Variants in SNRNP48 observed in about 807,000 individuals in gnomAD.
SNRNP48 encodes the protein U11/U12 small nuclear ribonucleoprotein 48 kDa protein.
SNRNP48 carries 43 observed loss-of-function variants against 47.0 expected under a neutral mutation model. The ratio of observed to expected loss-of-function variants is 0.92; its 90% CI spans 0.72 to 1.18. The LOEUF is 1.18. Among genes scored for constraint, SNRNP48 ranks in the 50% most tolerant of loss-of-function variants. The pLI, the probability that SNRNP48 is intolerant of heterozygous loss-of-function variation, is 0.00. For synonymous variants in SNRNP48, 138 were observed against 144.0 expected, an observed-to-expected ratio of 0.96 and a Z score of 0.30; for missense variants, 396 against 422.2, an observed-to-expected ratio of 0.94 and a Z score of 0.54.
Position 7,590,207 on chromosome 6 carries a change from C to A in SNRNP48, c.-51C>A. 1 of 1,265,272 alleles carries A rather than the reference C, an allele frequency of 7.9e-7. No homozygotes were observed. The highest frequency in any genetic ancestry group is 1.0e-6 in the Non-Finnish European group (1 of 997,684). 78.4% of individuals were successfully genotyped at this position (1,265,272 alleles called of 1,614,324 possible). A position where few individuals can be genotyped will look rare whatever the true frequency, so the allele number is the denominator to read the frequency against. ...CCCGCCCACAGCTCCCAGAGGCCTG[C>A]GCGTGCGGTCTGCAGTTCGGCCGCT... On this transcript the variant is annotated 5_prime_UTR_variant, in exon 1 of 9. Coordinates refer to ENST00000342415, the MANE Select transcript of SNRNP48 (RefSeq NM_152551.4).
Position 7,594,164 on chromosome 6 carries a change from G to A in SNRNP48, c.331+5G>A. ...AGATACCTTCGATTACTTTGAGTAA[G>A]TATTAAGTTATTATAATTTAAAAAT... On this transcript the variant is annotated splice_donor_5th_base_variant and intron_variant, in intron 3 of 8. Coordinates refer to ENST00000342415, the MANE Select transcript of SNRNP48 (RefSeq NM_152551.4). 7.9e-7 allele frequency: 1 copy of A among 1,269,740 alleles called. No individual in the cohort carries two copies. The highest frequency in any genetic ancestry group is 1.1e-6 in the Non-Finnish European group (1 of 926,644). 78.7% of individuals were successfully genotyped at this position (1,269,740 alleles called of 1,614,324 possible). A position where few individuals can be genotyped will look rare whatever the true frequency, so the allele number is the denominator to read the frequency against.
chr6:7,590,334 G>A lies in SNRNP48; in HGVS notation c.77G>A (p.Cys26Tyr). The change falls in exon 1 of 9, where the codon TGC (cysteine) becomes TAC (tyrosine). Residue 26 changes from cysteine (C) to tyrosine (Y), a missense_variant. Physicochemically the swap from Cys to Tyr is radical, Grantham distance 194 (BLOSUM62 -2). Transcript: ENST00000342415. The stretch of plus-strand genomic sequence containing the variant: ...CTGAACGAGTTCGTGGAGAGCGGCT[G>A]CCGGACGTTGGAGGAGGTGACCGCG... ...EELNEFVESG[C>Y]RTLEEVTASL... is the part of the protein sequence containing the mutation. The A allele has an allele frequency of 7.1e-7, 1 of 1,405,776 alleles. No individual in the cohort carries two copies. Among genetic ancestry groups the A allele is most frequent in the South Asian group, 1.8e-5 (1 of 57,052 alleles). The allele number at this position is 1,405,776 out of a possible 1,614,324, so 87.1% of individuals were successfully genotyped here.
In SNRNP48 at chr6:7,609,573, G is replaced by A. The variant is rs1223090548; in HGVS notation, c.*700G>A. 1 of 152,148 alleles carries A rather than the reference G, an allele frequency of 6.6e-6. No homozygotes were observed. The highest frequency in any genetic ancestry group is 2.4e-5 in the African/African-American group (1 of 41,446). The allele number at this position is 152,148 out of a possible 1,614,324, so 9.4% of individuals were successfully genotyped here. ...TAAATCTATTTTTAAAGGTTCAGAG[G>A]AATCCATACCAAAGTTCTAACAGCG... On this transcript the variant is annotated 3_prime_UTR_variant, in exon 9 of 9. Coordinates refer to ENST00000342415, the MANE Select transcript of SNRNP48 (RefSeq NM_152551.4).
At chr6:7,597,780 T>G (rs917094092) in intron 4 of SNRNP48, among the ~76,000 whole-genome samples, 2 of 152,108 alleles carry the variant, frequency 1.3e-5, no homozygotes, top group African/African-American at 4.8e-5. Context: ...TAAGAGGAAC[T>G]ATTATATTAT....
intron 3 of SNRNP48, 136 bp downstream of exon 3, chr6:7,594,295 A>C: frequency 4.5e-6 from 2 of 441,170 alleles, no homozygotes; most frequent in Non-Finnish European, 8.1e-6. Flanking sequence ...ATGTAGAATT[A>C]ATTAATGTAC....
At chr6:7,601,588 A>G in intron 5 of SNRNP48, 64 bp downstream of exon 5, 1 of 1,396,022 alleles carries the variant, frequency 7.2e-7, no homozygotes, top group East Asian at 2.6e-5. Flanking sequence ...AGTGTTATTA[A>G]GATGATTTAA....
intron 4 of SNRNP48, among the ~76,000 whole-genome samples, chr6:7,598,116 C>G (rs1759940554): frequency 6.6e-6 from 1 of 151,772 alleles, no homozygotes; most frequent in African/African-American, 2.4e-5. Context: ...ATCTGCCCAC[C>G]TTGGCCTCCC....
intron 4 of SNRNP48, among the ~76,000 whole-genome samples, chr6:7,599,214 A>C (rs934331455): frequency 6.6e-6 from 1 of 152,168 alleles, no homozygotes; most frequent in African/African-American, 2.4e-5. Flanking sequence ...AACACCTACT[A>C]GTACTATTTA....
intron 8 of SNRNP48, among the ~76,000 whole-genome samples, chr6:7,608,269 GAGAC>G (rs1760169387): frequency 6.6e-6 from 1 of 151,796 alleles, no homozygotes; most frequent in African/African-American, 2.4e-5. Flanking sequence ...TTAAAACTAA[GAGAC>G]AGGCCGGGCG....
chr6:7,594,317 T>C (rs947989538), intron 3 of SNRNP48, among the ~76,000 whole-genome samples, 158 bp downstream of exon 3: 1 of 152,216 alleles, frequency 6.6e-6, no homozygotes, highest in African/African-American at 2.4e-5. Flanking sequence ...AGGCAACTAA[T>C]TCACATAATC....
At chr6:7,601,108 G>C (rs1189250442) in intron 4 of SNRNP48, 1 of 389,028 alleles carries the variant, frequency 2.6e-6, no homozygotes, top group African/African-American at 2.2e-5. Context: ...TTGTTGGAGA[G>C]AATAGCAAAC....
intron 4 of SNRNP48, among the ~76,000 whole-genome samples, chr6:7,598,558 A>G (rs1352708120): frequency 6.6e-6 from 1 of 152,142 alleles, no homozygotes; most frequent in Non-Finnish European, 1.5e-5. Context: ...TCAACAGATT[A>G]TTTTTGTGGC....
chr6:7,607,543 A>G (rs551173346), intron 8 of SNRNP48, among the ~76,000 whole-genome samples: 25 of 152,226 alleles, frequency 1.6e-4, no homozygotes, highest in African/African-American at 5.5e-4. Context: ...TTAAAAGCCT[A>G]CTTGGTAAAC....
At chr6:7,600,253 A>G in intron 4 of SNRNP48, 2 of 962,470 alleles carry the variant, frequency 2.1e-6, no homozygotes, top group Non-Finnish European at 2.5e-6. Context: ...GACAAGTAGT[A>G]CCTCTTTTTT....
chr6:7,594,909 TA>T (rs1318652862), intron 3 of SNRNP48, 117 bp from the exon 4 acceptor site: 106 of 755,662 alleles, frequency 1.4e-4, no homozygotes, highest in South Asian at 1.4e-3. Flanking sequence ...GGATGTTTCT[TA>T]AGATTCTGGA....
In SNRNP48 at chr6:7,601,365, C is replaced by T. The variant is rs774784553; in HGVS notation, c.436C>T (p.Pro146Ser). The change falls in exon 5 of 9, where the codon CCT becomes TCT. Residue 146 changes from proline (P) to serine (S), a missense_variant. Transcript: ENST00000342415. ...TTATTCTTCATTGCCTGTTGAAGTT[C>T]CTTTGAATCACAAACGGTTTGTTTG... ...RIYSSLPVEVPLNHKRFVCDL... is the reference protein window; with the variant it reads ...RIYSSLPVEVSLNHKRFVCDL... 2.5e-6 allele frequency: 4 copies of T among 1,573,996 alleles called. No individual in the cohort carries two copies. The South Asian group carries it at 3.6e-5, about 14-fold the overall frequency.
intron 8 of SNRNP48, among the ~76,000 whole-genome samples, chr6:7,607,159 A>G (rs1294965619): frequency 6.6e-6 from 1 of 152,156 alleles, no homozygotes; most frequent in Admixed American, 6.5e-5. Context: ...CTCTACAAAG[A>G]ATACAAAGAT....
intron 8 of SNRNP48, among the ~76,000 whole-genome samples, chr6:7,607,864 A>G (rs1478859067): frequency 6.6e-6 from 1 of 152,224 alleles, no homozygotes; most frequent in Non-Finnish European, 1.5e-5. Context: ...TCATCTTACT[A>G]TCATTCAGTT....
intron 2 of SNRNP48, 78 bp downstream of exon 2, chr6:7,593,925 A>AATG: frequency 8.5e-7 from 1 of 1,174,190 alleles, no homozygotes; most frequent in South Asian, 1.6e-5. Flanking sequence ...TGGAAGTTAC[A>AATG]ATGTGAGGTT....
Sources: gnomAD v4.1 joint callset for allele counts (sites outside exome capture counted in the v4.1 genomes callset) on GRCh38, gnomAD v4.1.1 for gene constraint, MANE v1.5 for transcripts, NCBI Gene and HGNC (gene_info 2026-07-23, HGNC 2026-07-21) for gene names.